CPA6: variants seen among roughly 807,000 people sequenced by gnomAD.
CPA6 encodes carboxypeptidase B.
CPA6 carries 58 observed loss-of-function variants against 63.3 expected under a neutral mutation model. The observed-to-expected ratio is 0.92, with a 90% confidence interval of 0.74 to 1.14. The LOEUF (loss-of-function observed/expected upper bound fraction) is 1.14, where lower values mean the gene tolerates loss of function less well. Ranked by LOEUF, CPA6 falls within the 50% of genes most tolerant of loss-of-function variation. The probability of loss-of-function intolerance (pLI) is 0.00; values close to 1 mark genes in which losing one functional copy is unlikely to be tolerated. For missense variants in CPA6, 565 were observed against 526.6 expected (o/e 1.07, Z -0.71); for synonymous variants, 185 against 179.0 (o/e 1.03, Z -0.27).
chr8:67,457,474 G>T (rs762081479), intron 8 of CPA6, among the ~76,000 whole-genome samples: 45 of 152,138 alleles, frequency 3.0e-4, no homozygotes, highest in Admixed American at 9.8e-4. Flanking sequence ...ACAGCAATCT[G>T]ATCCCTTCCT....
At chr8:67,555,311 A>G (rs1011770701) in intron 2 of CPA6, among the ~76,000 whole-genome samples, 1 of 152,222 alleles carries the variant, frequency 6.6e-6, no homozygotes, top group African/African-American at 2.4e-5. Context: ...GAGAGGGGCC[A>G]GAGATTGAGT....
chr8:67,481,373 T>C (rs553687726), intron 8 of CPA6, among the ~76,000 whole-genome samples: 1 of 152,340 alleles, frequency 6.6e-6, no homozygotes, highest in South Asian at 2.1e-4. Flanking sequence ...CTCTGACTTG[T>C]CGAGTCCTTC....
Position 67,575,816 on chromosome 8 carries a change from T to C in CPA6, c.192+48360A>G, listed in dbSNP as rs566532531. 1.0e-3 allele frequency among the ~76,000 whole-genome samples: 150 copies of C among 144,354 alleles called. 1 individual carries two copies. Among genetic ancestry groups the C allele is most frequent in the African/African-American group, 3.8e-3 (146 of 38,506 alleles). 94.7% of individuals were successfully genotyped at this position (144,354 alleles called of 152,430 possible). A position where few individuals can be genotyped will look rare whatever the true frequency, so the allele number is the denominator to read the frequency against. On this transcript the variant is annotated intron_variant, in intron 2 of 10. Coordinates refer to ENST00000297770, the MANE Select transcript of CPA6 (RefSeq NM_020361.5). The stretch of plus-strand genomic sequence containing the variant: ...GAGGTTGCAGTGAGCTACTCCAGCC[T>C]GGGCAACAGAGTGAGACTCTGTCTC...
chr8:67,444,213 C>T (rs1014241068), intron 8 of CPA6, among the ~76,000 whole-genome samples: 3 of 151,958 alleles, frequency 2.0e-5, no homozygotes, highest in African/African-American at 4.8e-5. Context: ...TGGTCTCGAT[C>T]TCCCGACCTC....
chr8:67,664,559 C>T (rs117875564), intron 1 of CPA6, among the ~76,000 whole-genome samples: 1,659 of 152,284 alleles, frequency 0.011, 17 homozygotes, highest in Non-Finnish European at 0.015. Context: ...CTTTGTATAT[C>T]CAAGCTCCAG....
chr8:67,572,516 C>T (rs572648679), intron 2 of CPA6, among the ~76,000 whole-genome samples: 2 of 152,164 alleles, frequency 1.3e-5, no homozygotes, highest in Admixed American at 1.3e-4. Context: ...GCATGAAAGC[C>T]CTCTCTAGAG....
chr8:67,523,373 A>T (rs2128967692), intron 2 of CPA6, among the ~76,000 whole-genome samples: 1 of 152,048 alleles, frequency 6.6e-6, no homozygotes, highest in Middle Eastern at 3.4e-3. Context: ...CTAAAAATAT[A>T]AAAAAATTAG....
At position 67,434,182 on chromosome 8, in the gene CPA6, A is replaced by G. The variant is rs1810093407; in HGVS notation, c.897T>C (p.Ser299=). Residue 299 remains serine (S), a synonymous_variant, in exon 9 of 11, where the codon TCT becomes TCC. Coordinates refer to ENST00000297770, the MANE Select transcript of CPA6 (RefSeq NM_020361.5). ...TAGCTACAGCCTTCACTTCCGGCTC[A>G]GATTCTGGAAAAGGGCCACAGTATG... is the stretch of plus-strand genomic sequence containing the variant. The part of the protein sequence containing the change: ...DDTYCGPFPE[S]EPEVKAVANF... The G allele has an allele frequency of 2.5e-6, 4 of 1,614,084 alleles. No homozygotes were observed. In the African/African-American group the frequency reaches 4.0e-5, roughly 16 times the overall value.
At chr8:67,737,516 G>C (rs1407560054) in intron 1 of CPA6, among the ~76,000 whole-genome samples, 1 of 152,084 alleles carries the variant, frequency 6.6e-6, no homozygotes, top group African/African-American at 2.4e-5. Flanking sequence ...CTTCAGTCTG[G>C]GTTAGGTGAC....
rs371030728 is a variant in CPA6, at chr8:67,471,953, A to G, written c.838+11815T>C. On this transcript the variant is annotated intron_variant, in intron 8 of 10. Coordinates refer to ENST00000297770, the MANE Select transcript of CPA6 (RefSeq NM_020361.5). ...AATCAAAGCACTTATATAGGCATGA[A>G]ATTTACGAAAATAAAAAATAGCATG... 7.2e-5 allele frequency among the ~76,000 whole-genome samples: 11 copies of G among 152,226 alleles called. No homozygotes were observed. In the East Asian group the frequency reaches 1.3e-3, roughly 19 times the overall value.
At chr8:67,545,580 T>TTTTTTTTTTTTTTTG (rs750417027) in intron 2 of CPA6, among the ~76,000 whole-genome samples, 15 of 125,666 alleles carry the variant, frequency 1.2e-4, no homozygotes, top group East Asian at 2.4e-4. Context: ...TTTTTTTTTT[T>TTTTTTTTTTTTTTTG]TTTTGAGATG....
chr8:67,518,096 A>C (rs781688840), intron 2 of CPA6, 49 bp from the exon 3 acceptor site: 5 of 1,485,314 alleles, frequency 3.4e-6, no homozygotes, highest in Non-Finnish European at 3.6e-6. Context: ...TAGGGGGGGA[A>C]AATCTGTGTC....
At chr8:67,640,603 G>T (rs1365787637) in intron 1 of CPA6, among the ~76,000 whole-genome samples, 1 of 151,290 alleles carries the variant, frequency 6.6e-6, no homozygotes, top group Non-Finnish European at 1.5e-5. Context: ...GAGGGTAGGG[G>T]TCCTGCCTGT....
At position 67,464,516 on chromosome 8, in the gene CPA6, T is replaced by G. The variant is rs907341173; in HGVS notation, c.838+19252A>C. Among the ~76,000 whole-genome samples, 5 of 152,368 alleles carry G rather than the reference T, an allele frequency of 3.3e-5. No individual in the cohort carries two copies. In the South Asian group the frequency reaches 1.0e-3, roughly 32 times the overall value. ...TTTCTTTTGCTGTGCAAAAGCTCTT[T>G]AATCAGGTCCCAATTGTCAATTTTT... On this transcript the variant is annotated intron_variant, in intron 8 of 10. Coordinates refer to ENST00000297770, the MANE Select transcript of CPA6 (RefSeq NM_020361.5).
intron 1 of CPA6, among the ~76,000 whole-genome samples, chr8:67,706,907 T>A (rs1817147636): frequency 6.6e-6 from 1 of 152,210 alleles, no homozygotes; most frequent in African/African-American, 2.4e-5. Flanking sequence ...TGTATCTGTA[T>A]AAATGTGTTA....
At chr8:67,594,864 C>A (rs1206180159) in intron 2 of CPA6, among the ~76,000 whole-genome samples, 3 of 152,132 alleles carry the variant, frequency 2.0e-5, no homozygotes, top group African/African-American at 7.2e-5. Context: ...TCGTCTGAAG[C>A]CTTCTTCTCT....
intron 1 of CPA6, among the ~76,000 whole-genome samples, chr8:67,629,231 C>T (rs1190460265): frequency 6.6e-6 from 1 of 151,942 alleles, no homozygotes; most frequent in South Asian, 2.1e-4. Context: ...ACTTGGGAGG[C>T]TGAGGTAGGA....
intron 1 of CPA6, 114 bp from the exon 2 acceptor site, chr8:67,624,365 C>G: frequency 3.6e-6 from 2 of 553,744 alleles, no homozygotes; most frequent in Non-Finnish European, 6.3e-6. Context: ...AACAGTGAAA[C>G]TTTTCACTGG....
intron 2 of CPA6, among the ~76,000 whole-genome samples, chr8:67,607,236 TCTTCTTCTTCTTCTTCTC>T (rs1814684310): frequency 5.4e-5 from 6 of 110,366 alleles, no homozygotes; most frequent in Non-Finnish European, 7.5e-5. Flanking sequence ...TTCTTCTTCT[TCTTCTTCTTCTTCTTCTC>T]CTCCTCCTCC....
Sources: gnomAD v4.1 joint callset for allele counts (sites outside exome capture counted in the v4.1 genomes callset) on GRCh38, gnomAD v4.1.1 for gene constraint, MANE v1.5 for transcripts, NCBI Gene and HGNC (gene_info 2026-07-23, HGNC 2026-07-21) for gene names.